OTOA: variants seen among roughly 807,000 people sequenced by gnomAD.
The protein encoded by OTOA is otoancorin, also known as cancer/testis antigen 108.
A neutral mutation model predicts 110.8 loss-of-function variants in OTOA; 70 were observed. The ratio of observed to expected loss-of-function variants is 0.63; its 90% CI spans 0.52 to 0.77. The LOEUF is 0.77. Among genes scored for constraint, OTOA ranks in the 30% least tolerant of loss-of-function variants. The probability of loss-of-function intolerance (pLI) is 0.00; values close to 1 mark genes in which losing one functional copy is unlikely to be tolerated. For missense variants in OTOA, 917 were observed against 1,075.8 expected (o/e 0.85, Z 2.06); for synonymous variants, 373 against 431.5 (o/e 0.86, Z 1.68).
At chr16:21,690,809 G>C (rs1343432631) in intron 8 of OTOA, among the ~76,000 whole-genome samples, 1 of 151,830 alleles carries the variant, frequency 6.6e-6, no homozygotes, top group Non-Finnish European at 1.5e-5. Context: ...ATTCAAGAAA[G>C]GGAAGGTTTT....
chr16:21,687,082 T>G (rs1028631228), intron 7 of OTOA, among the ~76,000 whole-genome samples: 6 of 152,156 alleles, frequency 3.9e-5, no homozygotes, highest in Non-Finnish European at 7.4e-5. Context: ...GATCAGAGAC[T>G]TCACGAAGGT....
intron 28 of OTOA, among the ~76,000 whole-genome samples, chr16:21,758,342 T>C (rs1900060518): frequency 1.3e-5 from 2 of 148,598 alleles, no homozygotes; most frequent in African/African-American, 2.5e-5. Context: ...AGGGAAGACA[T>C]GTACCCTGGT....
chr16:21,681,577 G>T lies in OTOA; in HGVS notation c.180-161G>T, dbSNP rs1376403395. Among the ~76,000 whole-genome samples, 3 of 151,998 alleles carry T rather than the reference G, an allele frequency of 2.0e-5. 1 individual carries two copies. Among genetic ancestry groups the T allele is most frequent in the Admixed American group, 2.0e-4 (3 of 15,238 alleles). On this transcript the variant is annotated intron_variant, in intron 5 of 28. Transcript: ENST00000646100. ...GACCCTGTTTCAAAAAAAGAGAAAAGAAAAAAGGAAAGAAAAGAAAAGAGA... is the reference window on the plus strand; with the variant it reads ...GACCCTGTTTCAAAAAAAGAGAAAATAAAAAAGGAAAGAAAAGAAAAGAGA...
intron 28 of OTOA, among the ~76,000 whole-genome samples, chr16:21,758,297 T>C (rs1306724961): frequency 6.6e-6 from 1 of 151,410 alleles, no homozygotes; most frequent in Non-Finnish European, 1.5e-5. Context: ...AGATGTTCCC[T>C]GCCCTCATTG....
At chr16:21,725,058 G>A (rs558485612) in intron 18 of OTOA, among the ~76,000 whole-genome samples, 9 of 152,190 alleles carry the variant, frequency 5.9e-5, no homozygotes, top group Admixed American at 1.3e-4. Context: ...GATTACAGGC[G>A]TGAGCCACCA....
chr16:21,726,777 T>G, intron 19 of OTOA, 119 bp downstream of exon 19: 1 of 1,407,578 alleles, frequency 7.1e-7, no homozygotes, highest in Admixed American at 1.7e-5. Flanking sequence ...GTCTGACTGG[T>G]GGGTCTTGAA....
chr16:21,690,212 G>T (rs913910391), intron 8 of OTOA, among the ~76,000 whole-genome samples: 1 of 152,084 alleles, frequency 6.6e-6, no homozygotes, highest in African/African-American at 2.4e-5. Flanking sequence ...AAGTTCTGGG[G>T]TACACGTGCA....
At chr16:21,699,690 G>A (rs531486683) in intron 10 of OTOA, among the ~76,000 whole-genome samples, 32 of 152,204 alleles carry the variant, frequency 2.1e-4, no homozygotes, top group East Asian at 1.4e-3. Context: ...AGGCTGAGGC[G>A]GGTGGATCAT....
chr16:21,679,043 T>A lies in OTOA; in HGVS notation c.128T>A (p.Ile43Lys). ...HPLLQNMAEE[I>K]IDGSYLNALL... is the part of the protein sequence containing the mutation. ...TATCTCTTTGCCTTTTAGGAAGAAA[T>A]AATAGATGGAAGCTATCTGAATGGT... Residue 43 changes from isoleucine (I) to lysine (K), a missense_variant, in exon 4 of 29, where the codon ATA (isoleucine) becomes AAA (lysine). Ile to Lys is a moderately radical substitution (Grantham distance 102). Coordinates refer to ENST00000646100, the MANE Select transcript of OTOA (RefSeq NM_144672.4). 6.2e-7 allele frequency: 1 copy of A among 1,614,074 alleles called. No homozygotes were observed. Among genetic ancestry groups the A allele is most frequent in the South Asian group, 1.1e-5 (1 of 91,086 alleles).
Position 21,691,617 on chromosome 16 carries a change from C to G in OTOA, c.669C>G (p.Thr223=), listed in dbSNP as rs748400139. 3.7e-6 allele frequency: 6 copies of G among 1,613,914 alleles called. No individual in the cohort carries two copies. In the East Asian group the frequency reaches 8.9e-5, roughly 24 times the overall value. The part of the protein sequence containing the change: ...SAVFKDLYDK[T]SAHSQRALYS... ...TGTTCAAAGATCTCTACGACAAAACCTCGGCTCATTCCCAGAGAGCTCTCT... is the reference window on the plus strand; with the variant it reads ...TGTTCAAAGATCTCTACGACAAAACGTCGGCTCATTCCCAGAGAGCTCTCT... The change falls in exon 9 of 29, where the codon ACC becomes ACG. Residue 223 remains threonine, a synonymous_variant. Coordinates refer to ENST00000646100, the MANE Select transcript of OTOA (RefSeq NM_144672.4).
intron 1 of OTOA, among the ~76,000 whole-genome samples, chr16:21,671,260 C>T (rs752427572): frequency 6.6e-6 from 1 of 152,038 alleles, no homozygotes; most frequent in Non-Finnish European, 1.5e-5. Context: ...TCTCATTTTA[C>T]AGACGAGAAA....
Position 21,679,017 on chromosome 16 carries a change from T to C in OTOA, c.121-19T>C, listed in dbSNP as rs369373625. 2 of 1,613,922 alleles carry C rather than the reference T, an allele frequency of 1.2e-6. No individual in the cohort carries two copies. Among genetic ancestry groups the C allele is most frequent in the African/African-American group, 1.3e-5 (1 of 74,934 alleles). The stretch of plus-strand genomic sequence containing the variant: ...CAACTTTTGGTTGTTATACTTGATG[T>C]TATCTCTTTGCCTTTTAGGAAGAAA... On this transcript the variant is annotated intron_variant, in intron 3 of 28. Coordinates refer to ENST00000646100, the MANE Select transcript of OTOA (RefSeq NM_144672.4).
intron 6 of OTOA, chr16:21,684,370 A>G: frequency 2.1e-6 from 3 of 1,410,678 alleles, no homozygotes; most frequent in Non-Finnish European, 2.8e-6. Context: ...AATCTCTTTC[A>G]GGAGAGGCTG....
At chr16:21,707,542 T>TTCCC (rs1898202222) in intron 12 of OTOA, among the ~76,000 whole-genome samples, 1 of 151,710 alleles carries the variant, frequency 6.6e-6, no homozygotes, top group South Asian at 2.1e-4. Context: ...TCTTCCTTCC[T>TTCCC]TCCCTCCCTT....
At chr16:21,666,991 G>A (rs1371909269) in intron 1 of OTOA, among the ~76,000 whole-genome samples, 1 of 152,142 alleles carries the variant, frequency 6.6e-6, no homozygotes, top group Non-Finnish European at 1.5e-5. Flanking sequence ...TGGGAAACTG[G>A]AGAATTGTGA....
chr16:21,728,357 C>T lies in OTOA; in HGVS notation c.2133C>T (p.His711=), dbSNP rs201907941. The change falls in exon 20 of 29, where the codon CAC becomes CAT. Residue 711 remains histidine, a synonymous_variant. Transcript: ENST00000646100. ...CCAGGGCTTGGGCGACTGCTCTACA[C>T]GGCCTCAGAGACTGCCCAGACCTCA... The part of the protein sequence containing the change: ...ISPRAWATAL[H]GLRDCPDLNP... The T allele has an allele frequency of 2.8e-5, 45 of 1,614,152 alleles. No individual in the cohort carries two copies. The highest frequency in any genetic ancestry group is 1.8e-4 in the East Asian group (8 of 44,872).
chr16:21,704,728 G>A (rs1281992252), intron 11 of OTOA, among the ~76,000 whole-genome samples: 1 of 152,156 alleles, frequency 6.6e-6, no homozygotes, highest in Non-Finnish European at 1.5e-5. Flanking sequence ...GAGAGAAACG[G>A]TTACTGTGAA....
At chr16:21,719,271 G>GA (rs769617842) in intron 16 of OTOA, 80 bp downstream of exon 16, 783 of 1,583,684 alleles carry the variant, frequency 4.9e-4, no homozygotes, top group Non-Finnish European at 6.5e-4. Context: ...TTCCAGGTGG[G>GA]AGAGTTAGGC....
intron 15 of OTOA, 77 bp from the exon 16 acceptor site, chr16:21,719,056 C>T (rs921704171): frequency 7.2e-7 from 1 of 1,394,660 alleles, no homozygotes. Context: ...TTGTGGAATG[C>T]CTTCCTGATA....
Sources: allele counts gnomAD v4.1 joint callset (sites outside exome capture counted in the v4.1 genomes callset), GRCh38; gene constraint gnomAD v4.1.1; transcripts MANE v1.5; gene names NCBI Gene and HGNC (gene_info 2026-07-23, HGNC 2026-07-21).